The following REV3L variants were observed in gnomAD, a reference collection of about 807,000 sequenced individuals.
REV3L encodes DNA polymerase zeta catalytic subunit.
In REV3L, 69 loss-of-function variants were observed where a neutral mutation model predicts 299.4. The observed-to-expected ratio is 0.23, with a 90% CI of 0.19 to 0.28. REV3L has a LOEUF of 0.28. Among genes scored for constraint, REV3L ranks in the 10% least tolerant of loss-of-function variants. The pLI is 1.00. For missense variants in REV3L, 3,128 were observed against 3,693.8 expected, an observed-to-expected ratio of 0.85 and a Z score of 3.97; for synonymous variants, 1,238 against 1,271.4, an observed-to-expected ratio of 0.97 and a Z score of 0.56.
chr6:111,467,855 G>A (rs191507171), intron 1 of REV3L, among the ~76,000 whole-genome samples: 2 of 152,084 alleles, frequency 1.3e-5, no homozygotes, highest in African/African-American at 2.4e-5. Context: ...AAGACTGTAC[G>A]TAAGAGTAGA....
rs3218598 is a variant in REV3L, at chr6:111,376,458, T to C, written c.1897A>G (p.Ser633Gly). ...TGAGAATTTTCTGAATGAACAGTACTGCTTAAAGATCCAGGGTATTTCATA... is the reference window on the plus strand; with the variant it reads ...TGAGAATTTTCTGAATGAACAGTACCGCTTAAAGATCCAGGGTATTTCATA... ...YSMKYPGSLS[S>G]TVHSENSHKE... is the part of the protein sequence containing the mutation. The change falls in exon 13 of 32, where the codon AGT (serine) becomes GGT (glycine). Residue 633 changes from serine (S) to glycine (G), a missense_variant. Ser to Gly is a moderately conservative substitution (Grantham distance 56). Transcript: ENST00000368802. The C allele has an allele frequency of 1.5e-3, 2,478 of 1,613,806 alleles. 18 individuals are homozygous for C. In the African/African-American group the frequency reaches 0.024, roughly 16 times the overall value.
chr6:111,321,307 A>G (rs948548752), intron 26 of REV3L, among the ~76,000 whole-genome samples: 1 of 152,186 alleles, frequency 6.6e-6, no homozygotes, highest in Non-Finnish European at 1.5e-5. Flanking sequence ...CTTAAAGGGT[A>G]AATAATATAA....
Position 111,459,761 on chromosome 6 carries a change from TA to T in REV3L, c.139+22988del, listed in dbSNP as rs1168483134. ...AGAATAGCTTTTGTTAAAAAGTCAA[TA>T]AATAACAGATCTCAGTGGGGCTGTG... On this transcript the variant is annotated intron_variant, in intron 1 of 31. Coordinates refer to ENST00000368802, the MANE Select transcript of REV3L (RefSeq NM_001372078.1). Among the ~76,000 whole-genome samples, 4 of 151,974 alleles carry T rather than the reference TA, an allele frequency of 2.6e-5. No homozygotes were observed. In the East Asian group the frequency reaches 7.7e-4, roughly 29 times the overall value.
chr6:111,478,364 T>G (rs1483811759), intron 1 of REV3L, among the ~76,000 whole-genome samples: 1 of 152,144 alleles, frequency 6.6e-6, no homozygotes, highest in African/African-American at 2.4e-5. Flanking sequence ...CTAAAACAAC[T>G]TGCTACTCAG....
intron 9 of REV3L, among the ~76,000 whole-genome samples, chr6:111,387,281 A>G (rs1344758889): frequency 3.3e-5 from 5 of 152,186 alleles, no homozygotes; most frequent in Non-Finnish European, 7.3e-5. Flanking sequence ...AAATAGGCAT[A>G]ACTGTAAATG....
chr6:111,476,807 T>C (rs962818026), intron 1 of REV3L, among the ~76,000 whole-genome samples: 22 of 152,234 alleles, frequency 1.4e-4, no homozygotes, highest in Non-Finnish European at 2.9e-4. Context: ...AAGTTCAATA[T>C]GATCATCATG....
chr6:111,416,978 A>T (rs542786591), intron 1 of REV3L, among the ~76,000 whole-genome samples: 3 of 152,186 alleles, frequency 2.0e-5, no homozygotes, highest in Admixed American at 2.0e-4. Flanking sequence ...TGCAGTGGGA[A>T]GGAGGGTAAA....
chr6:111,306,268 A>C (rs1317213440), intron 31 of REV3L, among the ~76,000 whole-genome samples: 2 of 152,128 alleles, frequency 1.3e-5, no homozygotes, highest in South Asian at 2.1e-4. Flanking sequence ...GGTAGAGGAA[A>C]GTGTTCCTGG....
chr6:111,316,678 GA>G (rs1281100056), intron 26 of REV3L, among the ~76,000 whole-genome samples: 4 of 137,824 alleles, frequency 2.9e-5, no homozygotes, highest in East Asian at 2.1e-4. Flanking sequence ...AAAAAAAAAA[GA>G]AAAAAAAAAG....
rs1242903309 is a variant in REV3L at position 111,422,657 on chromosome 6, TATATAC to T, written c.140-6191_140-6186del. ...ACATATATATATATATACATATATA[TATATAC>T]ATATATATATATATACGTATATATA... On this transcript the variant is annotated intron_variant, in intron 1 of 31. Coordinates refer to ENST00000368802, the MANE Select transcript of REV3L (RefSeq NM_001372078.1). Among the ~76,000 whole-genome samples, 10 of 40,214 alleles carry T rather than the reference TATATAC, an allele frequency of 2.5e-4. 3 individuals are homozygous for T. Among genetic ancestry groups the T allele is most frequent in the Non-Finnish European group, 7.1e-4 (9 of 12,690 alleles). The allele number at this position is 40,214 out of a possible 152,430, so 26.4% of individuals were successfully genotyped here.
chr6:111,380,120 G>T lies in REV3L; in HGVS notation c.1316C>A (p.Ser439Tyr). The T allele has an allele frequency of 6.2e-7, 1 of 1,613,726 alleles. No individual in the cohort carries two copies. Residue 439 changes from serine (S) to tyrosine (Y), a missense_variant, in exon 11 of 32, where the codon TCC (serine) becomes TAC (tyrosine). Coordinates refer to ENST00000368802, the MANE Select transcript of REV3L (RefSeq NM_001372078.1). ...ERNRMPSPCR[S>Y]FGNNKYPQNS... The stretch of plus-strand genomic sequence containing the variant: ...TTGTGGATATTTATTATTTCCAAAG[G>T]AGCGACATGGTGATGGCATCCTATT...
chr6:111,367,178 T>A lies in REV3L; in HGVS notation c.6610A>T (p.Ile2204Phe). 1 of 1,613,424 alleles carries A rather than the reference T, an allele frequency of 6.2e-7. No homozygotes were observed. The highest frequency in any genetic ancestry group is 8.5e-7 in the Non-Finnish European group (1 of 1,179,752). Residue 2204 changes from isoleucine (I) to phenylalanine (F), a missense_variant, in exon 14 of 32, where the codon ATC (isoleucine) becomes TTC (phenylalanine). Physicochemically the swap from Ile to Phe is conservative, Grantham distance 21. This residue lies in a region of REV3L where 2,409 missense variants were observed against 2,611.8 expected (regional missense o/e 0.92). Coordinates refer to ENST00000368802, the MANE Select transcript of REV3L (RefSeq NM_001372078.1). The stretch of plus-strand genomic sequence containing the variant: ...CTTTCCAGAAGTTTTCTCTGTATGA[T>A]TGGTGTACTATGAAAGCAAAGTGAT... ...CESLCFHSTP[I>F]IQRKLLERLP... is the part of the protein sequence containing the mutation.
intron 1 of REV3L, among the ~76,000 whole-genome samples, chr6:111,435,760 A>AT (rs111365436): frequency 1.3e-5 from 2 of 152,262 alleles, no homozygotes; most frequent in African/African-American, 4.8e-5. Flanking sequence ...CTGTGCAAAG[A>AT]TTTTTTTGGG....
chr6:111,330,476 T>G (rs908484425), intron 24 of REV3L, among the ~76,000 whole-genome samples: 3 of 152,212 alleles, frequency 2.0e-5, no homozygotes, highest in African/African-American at 7.2e-5. Context: ...TGCAAGGTAA[T>G]GCATGTCAGA....
intron 1 of REV3L, among the ~76,000 whole-genome samples, chr6:111,473,138 T>C (rs1792454641): frequency 6.6e-6 from 1 of 152,194 alleles, no homozygotes; most frequent in Non-Finnish European, 1.5e-5. Flanking sequence ...GTTCAAACTA[T>C]TTCTTTGAAA....
intron 28 of REV3L, 39 bp from the exon 29 acceptor site, chr6:111,311,298 C>T (rs758499118): frequency 2.0e-6 from 3 of 1,489,878 alleles, no homozygotes; most frequent in South Asian, 2.5e-5. Context: ...GATAAAATAT[C>T]TCCTAGTATG....
At chr6:111,387,247 G>A (rs1429567864) in intron 9 of REV3L, among the ~76,000 whole-genome samples, 2 of 152,122 alleles carry the variant, frequency 1.3e-5, no homozygotes, top group Admixed American at 6.5e-5. Flanking sequence ...TGTATTATTA[G>A]TGGTTACTTG....
intron 28 of REV3L, 164 bp from the exon 29 acceptor site, chr6:111,311,423 T>C: frequency 2.1e-6 from 1 of 472,038 alleles, no homozygotes; most frequent in Admixed American, 3.9e-5. Context: ...AATTGAAAGT[T>C]ATTTGAGACT....
chr6:111,372,889 G>C lies in REV3L; in HGVS notation c.5466C>G (p.Leu1822=). ...DSANTSFTAI[L]SSPDGELVDV... ...CTACAAGTTCACCATCAGGGGAGGA[G>C]AGTATTGCAGTAAAAGAGGTATTGG... Residue 1822 remains leucine (L), a synonymous_variant, in exon 13 of 32, where the codon CTC becomes CTG. Transcript: ENST00000368802. 1 of 1,614,098 alleles carries C rather than the reference G, an allele frequency of 6.2e-7. No homozygotes were observed. The highest frequency in any genetic ancestry group is 8.5e-7 in the Non-Finnish European group (1 of 1,180,012).
Sources: allele counts gnomAD v4.1 joint callset (sites outside exome capture counted in the v4.1 genomes callset), GRCh38; gene constraint gnomAD v4.1.1; regional missense constraint gnomAD v4.1.1; transcripts MANE v1.5; gene names NCBI Gene and HGNC (gene_info 2026-07-23, HGNC 2026-07-21).